Variants in UBAC2 observed in about 807,000 individuals in gnomAD.
UBAC2 encodes UBA domain containing 2.
In UBAC2, 26 loss-of-function variants were observed where a neutral mutation model predicts 44.0. The ratio of observed to expected loss-of-function variants is 0.59; its 90% CI spans 0.43 to 0.82. UBAC2 has a LOEUF of 0.82. Among genes scored for constraint, UBAC2 ranks in the 40% least tolerant of loss-of-function variants. The probability of loss-of-function intolerance (pLI) is 0.00; values close to 1 mark genes in which losing one functional copy is unlikely to be tolerated. For synonymous variants in UBAC2, 155 were observed against 154.3 expected (o/e 1.00, Z -0.04); for missense variants, 329 against 419.4 (o/e 0.78, Z 1.88).
intron 1 of UBAC2, chr13:99,201,430 C>A: frequency 6.2e-7 from 1 of 1,613,434 alleles, no homozygotes; most frequent in South Asian, 1.1e-5. Context: ...CTTCTTCAGT[C>A]TCCAAGAAGA....
intron 1 of UBAC2, among the ~76,000 whole-genome samples, chr13:99,208,161 C>T (rs1360986870): frequency 5.9e-5 from 9 of 152,068 alleles, no homozygotes; most frequent in Non-Finnish European, 8.8e-5. Context: ...CCACGCCTGG[C>T]TAATTTTGTA....
Position 99,295,107 on chromosome 13 carries a change from T to A in UBAC2, c.390-18990T>A. On this transcript the variant is annotated intron_variant, in intron 4 of 8. Coordinates refer to ENST00000403766, the MANE Select transcript of UBAC2 (RefSeq NM_001144072.2). The surrounding 1 kb of genome is among the most constrained non-coding windows in gnomAD (Gnocchi z 4.1). ...GAATGTATCATCATCTGCGTTTCTG[T>A]CATTTCACGTGAATTTTCTTCAGGG... The A allele has an allele frequency of 1.2e-6, 2 of 1,614,110 alleles. No homozygotes were observed. Among genetic ancestry groups the A allele is most frequent in the Non-Finnish European group, 1.7e-6 (2 of 1,179,984 alleles).
chr13:99,210,226 T>C (rs796131995), intron 1 of UBAC2, among the ~76,000 whole-genome samples: 6 of 152,348 alleles, frequency 3.9e-5, no homozygotes, highest in African/African-American at 1.4e-4. Flanking sequence ...GAGTACGTGT[T>C]CATCAGAGAC....
chr13:99,270,591 A>G (rs1566478844), intron 4 of UBAC2, among the ~76,000 whole-genome samples: 1 of 152,244 alleles, frequency 6.6e-6, no homozygotes, highest in Admixed American at 6.5e-5. Context: ...CAAAACCCAG[A>G]AAGTAAGTAA....
At chr13:99,329,500 T>C (rs758766966) in intron 6 of UBAC2, among the ~76,000 whole-genome samples, 12 of 152,168 alleles carry the variant, frequency 7.9e-5, no homozygotes, top group Non-Finnish European at 1.6e-4. Context: ...ATACTTATAA[T>C]GAATAGAATG....
At chr13:99,237,246 T>C (rs1188864696) in intron 1 of UBAC2, among the ~76,000 whole-genome samples, 1 of 130,524 alleles carries the variant, frequency 7.7e-6, no homozygotes, top group Non-Finnish European at 1.6e-5. Context: ...ATAAAGAAAA[T>C]TTTATGCGTA....
chr13:99,382,908 C>T (rs1393657275), intron 8 of UBAC2, among the ~76,000 whole-genome samples: 2 of 152,010 alleles, frequency 1.3e-5, no homozygotes, highest in East Asian at 1.9e-4. Context: ...GGGTGGGGGC[C>T]GAGAAAAGCC....
At chr13:99,293,737 C>G (rs1169795166) in intron 4 of UBAC2, among the ~76,000 whole-genome samples, 1 of 152,072 alleles carries the variant, frequency 6.6e-6, no homozygotes, top group East Asian at 1.9e-4. Flanking sequence ...GGTGTTGAAT[C>G]AACCATTAAG....
At chr13:99,331,143 A>G (rs2044711289) in intron 6 of UBAC2, among the ~76,000 whole-genome samples, 1 of 152,344 alleles carries the variant, frequency 6.6e-6, no homozygotes, top group East Asian at 1.9e-4. Flanking sequence ...CCACTGGTCT[A>G]AGTCCTGGCG....
At chr13:99,273,219 G>C (rs1264499884) in intron 4 of UBAC2, among the ~76,000 whole-genome samples, 1 of 152,064 alleles carries the variant, frequency 6.6e-6, no homozygotes, top group African/African-American at 2.4e-5. Flanking sequence ...ATATTATTCA[G>C]TTTGTTTCTT....
intron 6 of UBAC2, among the ~76,000 whole-genome samples, chr13:99,330,425 C>G (rs1002200644): frequency 1.9e-5 from 2 of 105,074 alleles, no homozygotes; most frequent in Admixed American, 2.9e-4. Flanking sequence ...TGCCACTGCA[C>G]TCCAGCCTGG....
chr13:99,280,754 G>T (rs1326369200), intron 4 of UBAC2, among the ~76,000 whole-genome samples: 1 of 151,958 alleles, frequency 6.6e-6, no homozygotes, highest in Non-Finnish European at 1.5e-5. Flanking sequence ...TTATTTTTTT[G>T]CACTAAATTA....
intron 6 of UBAC2, among the ~76,000 whole-genome samples, chr13:99,330,396 T>G (rs1457454275): frequency 7.7e-6 from 1 of 130,042 alleles, no homozygotes; most frequent in Non-Finnish European, 1.5e-5. Context: ...GACGCCGAGG[T>G]TGTAGTGAGC....
At chr13:99,225,299 T>C (rs1594017134) in intron 1 of UBAC2, among the ~76,000 whole-genome samples, 1 of 152,098 alleles carries the variant, frequency 6.6e-6, no homozygotes, top group African/African-American at 2.4e-5. Context: ...ACTTCCCATT[T>C]CCCCCTTCCT....
chr13:99,254,862 A>G, intron 4 of UBAC2: 2 of 1,589,708 alleles, frequency 1.3e-6, no homozygotes, highest in Admixed American at 1.7e-5. Context: ...GATTGAAATG[A>G]AAGAACCTTA....
chr13:99,272,190 C>T (rs2043824364), intron 4 of UBAC2, among the ~76,000 whole-genome samples: 1 of 152,164 alleles, frequency 6.6e-6, no homozygotes. Context: ...ACTCCAGGGG[C>T]TTGTATCTAG....
chr13:99,236,359 T>G (rs1464376849), intron 1 of UBAC2, among the ~76,000 whole-genome samples: 1 of 152,128 alleles, frequency 6.6e-6, no homozygotes, highest in Non-Finnish European at 1.5e-5. Flanking sequence ...CTCAAACAAC[T>G]CAATAGCAAA....
At chr13:99,206,525 G>T (rs1006409473) in intron 1 of UBAC2, among the ~76,000 whole-genome samples, 27 of 152,192 alleles carry the variant, frequency 1.8e-4, no homozygotes, top group Non-Finnish European at 2.5e-4. Flanking sequence ...CTTGTCTCCA[G>T]TGTATCAGCC....
intron 4 of UBAC2, among the ~76,000 whole-genome samples, chr13:99,288,293 A>T (rs552604150): frequency 8.5e-5 from 13 of 152,234 alleles, no homozygotes; most frequent in Admixed American, 8.5e-4. Flanking sequence ...GATCAGTTGC[A>T]GTAGGTGCCA....
Sources: gnomAD v4.1 joint callset for allele counts (sites outside exome capture counted in the v4.1 genomes callset) on GRCh38, gnomAD v4.1.1 for gene constraint, Gnocchi (gnomAD v3.1) non-coding constraint, MANE v1.5 for transcripts, NCBI Gene and HGNC (gene_info 2026-07-23, HGNC 2026-07-21) for gene names.